Variants in CARD8 observed in about 807,000 individuals in gnomAD.
CARD8 encodes caspase recruitment domain family member 8.
In CARD8, 38 loss-of-function variants were observed where a neutral mutation model predicts 53.2. The observed-to-expected ratio is 0.71, with a 90% confidence interval of 0.55 to 0.94. CARD8 has a LOEUF of 0.94. CARD8 is among the 40% of genes least tolerant of loss of function. The probability of loss-of-function intolerance (pLI) is 0.00; values close to 1 mark genes in which losing one functional copy is unlikely to be tolerated. For missense variants in CARD8, 561 were observed against 655.5 expected (o/e 0.86, Z 1.57); for synonymous variants, 245 against 244.9 (o/e 1.00, Z 0.00).
At chr19:48,221,903 G>A in intron 10 of CARD8, 48 bp from the exon 11 acceptor site, 2 of 1,500,966 alleles carry the variant, frequency 1.3e-6, no homozygotes, top group South Asian at 1.3e-5. Flanking sequence ...AAATAGTAAA[G>A]CAAGTAGTGG....
downstream of CARD8, chr19:48,203,744 CAG>C (rs1216765191): frequency 6.3e-6 from 1 of 157,904 alleles, no homozygotes. Flanking sequence ...ATGAAAATGG[CAG>C]ACTGCCTAGC....
rs1325092513 is a variant in CARD8, at chr19:48,223,735, T to C, written c.1036-1880A>G. The C allele has an allele frequency of 3.4e-5, 14 of 413,908 alleles. No individual in the cohort carries two copies. The East Asian group carries it at 8.6e-4, about 25-fold the overall frequency. 25.6% of individuals were successfully genotyped at this position (413,908 alleles called of 1,614,324 possible). A position where few individuals can be genotyped will look rare whatever the true frequency, so the allele number is the denominator to read the frequency against. On this transcript the variant is annotated intron_variant, in intron 10 of 13. Coordinates refer to ENST00000651546, the MANE Select transcript of CARD8 (RefSeq NM_001184900.3). ...GAGACATACCACTGGATTAATTTTCTTAACCTTCTTTATTTGTTATAGTTC... is the reference window on the plus strand; with the variant it reads ...GAGACATACCACTGGATTAATTTTCCTAACCTTCTTTATTTGTTATAGTTC...
In CARD8 at chr19:48,230,711, A is replaced by C. The variant is rs762719288; in HGVS notation, c.773-11T>G. The C allele has an allele frequency of 8.1e-6, 13 of 1,613,230 alleles. No individual in the cohort carries two copies. In the South Asian group the frequency reaches 1.4e-4, roughly 18 times the overall value. The stretch of plus-strand genomic sequence containing the variant: ...CGTCCACCTCACCTGCTGCAGGAGA[A>C]CCACAACAGCAGTGAGACGGCACGC... On this transcript the variant is annotated splice_polypyrimidine_tract_variant and intron_variant, in intron 9 of 13. Coordinates refer to ENST00000651546, the MANE Select transcript of CARD8 (RefSeq NM_001184900.3).
intron 3 of CARD8, among the ~76,000 whole-genome samples, chr19:48,244,998 T>C (rs1187471084): frequency 6.6e-6 from 1 of 152,150 alleles, no homozygotes; most frequent in Non-Finnish European, 1.5e-5. Flanking sequence ...ATGAAATCAT[T>C]CCAGCTGAAG....
chr19:48,238,908 T>C lies in CARD8; in HGVS notation c.60-376A>G, dbSNP rs1600555590. ...TTTATTGAACTAACTGCATTGCTGT[T>C]ACCACTTCGTAGACAATGATCTTAT... On this transcript the variant is annotated intron_variant, in intron 4 of 13. Transcript: ENST00000651546. 2.0e-5 allele frequency among the ~76,000 whole-genome samples: 3 copies of C among 152,248 alleles called. No homozygotes were observed. In the South Asian group the frequency reaches 6.2e-4, roughly 32 times the overall value.
At position 48,231,014 on chromosome 19, in the gene CARD8, G is replaced by A; in HGVS notation, c.543-8C>T. 1 of 1,608,050 alleles carries A rather than the reference G, an allele frequency of 6.2e-7. No individual in the cohort carries two copies. The highest frequency in any genetic ancestry group is 8.5e-7 in the Non-Finnish European group (1 of 1,174,592). Reference sequence around the variant, plus strand: ...GCAGTGGGGAACCAAACGCTGAAAGGAGCCAGAGTGATGTCATGACGGGAG... The same window carrying A: ...GCAGTGGGGAACCAAACGCTGAAAGAAGCCAGAGTGATGTCATGACGGGAG... On this transcript the variant is annotated splice_region_variant and splice_polypyrimidine_tract_variant and intron_variant, in intron 8 of 13. Coordinates refer to ENST00000651546, the MANE Select transcript of CARD8 (RefSeq NM_001184900.3).
chr19:48,237,395 C>T (rs1205665512), intron 5 of CARD8, among the ~76,000 whole-genome samples: 1 of 152,008 alleles, frequency 6.6e-6, no homozygotes, highest in African/African-American at 2.4e-5. Flanking sequence ...GAGGGATATG[C>T]CCCCTTGATC....
chr19:48,230,794 T>G lies in CARD8; in HGVS notation c.755A>C (p.His252Pro). The G allele has an allele frequency of 6.2e-7, 1 of 1,613,766 alleles. No individual in the cohort carries two copies. The highest frequency in any genetic ancestry group is 8.5e-7 in the Non-Finnish European group (1 of 1,179,842). ...EEAVAEIHLP[H>P]FISLQAGEVD... ...CACATTACCTTGGAGGGAGATGAAG[T>G]GGGGGAGGTGGATTTCGGCGACAGC... Residue 252 changes from histidine (H) to proline (P), a missense_variant, in exon 9 of 14, where the codon CAC (histidine) becomes CCC (proline). By Grantham distance (77) the His-to-Pro change is moderately conservative. Coordinates refer to ENST00000651546, the MANE Select transcript of CARD8 (RefSeq NM_001184900.3).
At chr19:48,215,405 A>G in intron 12 of CARD8, 21 bp from the exon 13 acceptor site, 1 of 1,561,432 alleles carries the variant, frequency 6.4e-7, no homozygotes, top group Non-Finnish European at 8.8e-7. Flanking sequence ...GGGAAAAATT[A>G]TATGATGAGA....
chr19:48,204,815 G>T (rs187723392), downstream of CARD8, among the ~76,000 whole-genome samples: 37 of 152,256 alleles, frequency 2.4e-4, no homozygotes, highest in South Asian at 4.8e-3. Flanking sequence ...TTTATAGAAG[G>T]CCAACTCAGT....
At chr19:48,254,609 T>C (rs2047344441) in intron 1 of CARD8, among the ~76,000 whole-genome samples, 1 of 151,766 alleles carries the variant, frequency 6.6e-6, no homozygotes, top group Non-Finnish European at 1.5e-5. Context: ...AACAATTAGC[T>C]GGGTGTGGTG....
At chr19:48,221,946 G>T in intron 10 of CARD8, 91 bp from the exon 11 acceptor site, 2 of 1,014,390 alleles carry the variant, frequency 2.0e-6, no homozygotes, top group Non-Finnish European at 2.8e-6. Context: ...ATATTAAGTA[G>T]CACGTAGGCT....
downstream of CARD8, among the ~76,000 whole-genome samples, chr19:48,204,751 A>C (rs529071569): frequency 1.3e-5 from 2 of 152,152 alleles, no homozygotes; most frequent in Non-Finnish European, 2.9e-5. Flanking sequence ...TGTAAAGAGA[A>C]GCTGGAAGTT....
intron 11 of CARD8, among the ~76,000 whole-genome samples, chr19:48,219,687 T>C (rs1245680456): frequency 6.6e-6 from 1 of 152,088 alleles, no homozygotes; most frequent in African/African-American, 2.4e-5. Context: ...TCATCACCTC[T>C]AGGGCGGGCG....
chr19:48,249,429 T>C (rs1209931996), intron 3 of CARD8, 94 bp downstream of exon 3: 2 of 152,324 alleles, frequency 1.3e-5, no homozygotes, highest in East Asian at 3.9e-4. Context: ...TAAAATATAT[T>C]ATTACCTATG....
At chr19:48,243,715 G>T (rs1187418094) in intron 3 of CARD8, among the ~76,000 whole-genome samples, 1 of 152,172 alleles carries the variant, frequency 6.6e-6, no homozygotes, top group African/African-American at 2.4e-5. Flanking sequence ...GCCAGGCACA[G>T]TGGTTTGTGC....
At chr19:48,218,499 C>T (rs752069590) in intron 12 of CARD8, among the ~76,000 whole-genome samples, 7 of 151,948 alleles carry the variant, frequency 4.6e-5, no homozygotes, top group Admixed American at 6.6e-5. Flanking sequence ...GGACTACAGG[C>T]ATGTACCACC....
intron 3 of CARD8, among the ~76,000 whole-genome samples, chr19:48,246,469 C>T (rs1017209633): frequency 3.3e-5 from 5 of 152,138 alleles, no homozygotes; most frequent in Non-Finnish European, 5.9e-5. Context: ...TAATCTCTCT[C>T]AGTGGAAAGA....
rs746389304 is a variant in CARD8, at chr19:48,234,385, CG to C, written c.350+17del. 1.3e-6 allele frequency: 2 copies of C among 1,599,224 alleles called. No homozygotes were observed. Among genetic ancestry groups the C allele is most frequent in the South Asian group, 2.2e-5 (2 of 89,270 alleles). On this transcript the variant is annotated intron_variant, in intron 6 of 13. Transcript: ENST00000651546. ...GACACAGCGTCCAATAGTTTTCCAA[CG>C]GAATAGCTTTTCTTACCTGGGAATG...
Sources: allele counts gnomAD v4.1 joint callset (sites outside exome capture counted in the v4.1 genomes callset), GRCh38; gene constraint gnomAD v4.1.1; transcripts MANE v1.5; gene names NCBI Gene and HGNC (gene_info 2026-07-23, HGNC 2026-07-21).